The following HDAC9 variants were observed in gnomAD, a reference collection of about 807,000 sequenced individuals.
The protein encoded by HDAC9 is MEF-2 interacting transcription repressor (MITR) protein.
A neutral mutation model predicts 139.4 loss-of-function variants in HDAC9; 41 were observed. The observed-to-expected ratio is 0.29, with a 90% CI of 0.23 to 0.38. The LOEUF is 0.38. Among genes scored for constraint, HDAC9 ranks in the 10% least tolerant of loss-of-function variants. The pLI, the probability that HDAC9 is intolerant of heterozygous loss-of-function variation, is 1.00. For synonymous variants in HDAC9, 517 were observed against 476.2 expected (o/e 1.09, Z -1.12); for missense variants, 1,147 against 1,297.0 (o/e 0.88, Z 1.78).
chr7:18,735,869 T>C (rs1786840464), intron 13 of HDAC9, among the ~76,000 whole-genome samples: 1 of 152,254 alleles, frequency 6.6e-6, no homozygotes, highest in African/African-American at 2.4e-5. Flanking sequence ...ACCATGAGCA[T>C]AGAAAGGTTT....
chr7:18,790,465 T>C (rs1792203758), intron 16 of HDAC9, among the ~76,000 whole-genome samples: 1 of 152,168 alleles, frequency 6.6e-6, no homozygotes, highest in South Asian at 2.1e-4. Flanking sequence ...TCCTCACCAG[T>C]CACCAAATGG....
intron 12 of HDAC9, among the ~76,000 whole-genome samples, chr7:18,670,592 G>C (rs936792981): frequency 2.0e-5 from 3 of 152,040 alleles, no homozygotes; most frequent in Non-Finnish European, 4.4e-5. Flanking sequence ...TCATCCCACT[G>C]TAGAGATGAG....
intron 16 of HDAC9, among the ~76,000 whole-genome samples, chr7:18,782,871 C>A (rs1011460009): frequency 3.3e-5 from 5 of 151,892 alleles, no homozygotes; most frequent in Non-Finnish European, 1.5e-5. Flanking sequence ...TGAACTTGCC[C>A]GTGTTTGAAT....
At chr7:18,828,563 G>A (rs780162404) in intron 17 of HDAC9, among the ~76,000 whole-genome samples, 4 of 152,172 alleles carry the variant, frequency 2.6e-5, no homozygotes, top group Admixed American at 2.0e-4. Context: ...CAATAAAGTT[G>A]CAAGTCTTGG....
chr7:18,287,886 C>T (rs116143618), upstream of HDAC9, among the ~76,000 whole-genome samples: 154 of 152,270 alleles, frequency 1.0e-3, no homozygotes, highest in African/African-American at 3.4e-3. Context: ...GGACTGGACC[C>T]GGAAGTTGTG....
intron 1 of HDAC9, among the ~76,000 whole-genome samples, chr7:18,090,955 A>G (rs1230220194): frequency 6.6e-6 from 1 of 152,200 alleles, no homozygotes; most frequent in Non-Finnish European, 1.5e-5. Flanking sequence ...AATTGCCCAC[A>G]TGATTTGTAA....
intron 1 of HDAC9, among the ~76,000 whole-genome samples, chr7:18,153,374 T>C (rs1188421329): frequency 1.3e-5 from 2 of 151,694 alleles, no homozygotes; most frequent in Non-Finnish European, 2.9e-5. Flanking sequence ...CCTCTAGAGG[T>C]TTCCCATTGG....
At chr7:18,332,740 A>G (rs1035276910) in intron 1 of HDAC9, among the ~76,000 whole-genome samples, 19 of 151,598 alleles carry the variant, frequency 1.3e-4, no homozygotes, top group Admixed American at 7.3e-4. Flanking sequence ...AATTTGGCCT[A>G]TCTTTTTGTG....
At chr7:18,580,367 G>A (rs528365829) in intron 2 of HDAC9, among the ~76,000 whole-genome samples, 3 of 152,180 alleles carry the variant, frequency 2.0e-5, no homozygotes, top group South Asian at 2.1e-4. Context: ...TGTCAAGAAC[G>A]GGCAGGACTT....
intron 1 of HDAC9, among the ~76,000 whole-genome samples, chr7:18,461,557 A>G (rs1448708205): frequency 6.6e-6 from 1 of 152,146 alleles, no homozygotes; most frequent in Non-Finnish European, 1.5e-5. Context: ...CTAATAATAC[A>G]ATTTCTTTTT....
At chr7:18,310,011 G>A (rs1412909) in intron 1 of HDAC9, among the ~76,000 whole-genome samples, 81,566 of 151,954 alleles carry the variant, frequency 0.54, 24,332 homozygotes, top group African/African-American at 0.82. Flanking sequence ...AGGCTTTCTG[G>A]TTCAGACACT....
At chr7:18,500,542 G>T (rs1222788919) in intron 2 of HDAC9, among the ~76,000 whole-genome samples, 4 of 152,174 alleles carry the variant, frequency 2.6e-5, no homozygotes, top group East Asian at 1.9e-4. Flanking sequence ...AAGTTGACCA[G>T]TTCCTGAGGA....
intron 22 of HDAC9, among the ~76,000 whole-genome samples, chr7:18,889,284 T>C (rs1800460942): frequency 6.6e-6 from 1 of 152,166 alleles, no homozygotes; most frequent in Admixed American, 6.5e-5. Context: ...CTCAGGTCAA[T>C]TTTCCTGACC....
intron 22 of HDAC9, among the ~76,000 whole-genome samples, chr7:18,906,604 G>C (rs1393529701): frequency 2.0e-5 from 3 of 152,150 alleles, no homozygotes; most frequent in Non-Finnish European, 4.4e-5. Flanking sequence ...TGATGGTAAA[G>C]AGATTACAGG....
intron 2 of HDAC9, among the ~76,000 whole-genome samples, chr7:18,568,166 A>C (rs1451239797): frequency 6.6e-5 from 10 of 151,798 alleles, no homozygotes; most frequent in African/African-American, 2.4e-4. Context: ...TTCTATTTGT[A>C]GCTTATTGAA....
At position 18,594,647 on chromosome 7, in the gene HDAC9, A is replaced by T. The variant is rs191745270; in HGVS notation, c.664+618A>T. Among the ~76,000 whole-genome samples, 44 of 152,126 alleles carry T rather than the reference A, an allele frequency of 2.9e-4. No homozygotes were observed. The East Asian group carries it at 8.5e-3, about 29-fold the overall frequency. On this transcript the variant is annotated intron_variant, in intron 6 of 25. Transcript: ENST00000686413. ...ATTTAGTAAACAGTTCTGTGGCTCTAAGGATTGTATTTGCTGTTCCATCTT... is the reference window on the plus strand; with the variant it reads ...ATTTAGTAAACAGTTCTGTGGCTCTTAGGATTGTATTTGCTGTTCCATCTT...
At chr7:18,945,014 A>T (rs10281766) in intron 23 of HDAC9, among the ~76,000 whole-genome samples, 2,447 of 152,240 alleles carry the variant, frequency 0.016, 51 homozygotes, top group African/African-American at 0.056. Context: ...TGGACATTTT[A>T]TATGTGTTTC....
chr7:18,984,230 T>TACTC (rs1785145640), intron 25 of HDAC9, among the ~76,000 whole-genome samples: 1 of 152,062 alleles, frequency 6.6e-6, no homozygotes. Flanking sequence ...ACAAATTAGG[T>TACTC]ACTCAAGATC....
intron 21 of HDAC9, among the ~76,000 whole-genome samples, chr7:18,873,916 A>G (rs1399657047): frequency 5.9e-5 from 9 of 152,124 alleles, no homozygotes; most frequent in Admixed American, 2.0e-4. Flanking sequence ...GGACTCACTT[A>G]ACATTGTAGT....
Sources: gnomAD v4.1 joint callset for allele counts (sites outside exome capture counted in the v4.1 genomes callset) on GRCh38, gnomAD v4.1.1 for gene constraint, MANE v1.5 for transcripts, NCBI Gene and HGNC (gene_info 2026-07-23, HGNC 2026-07-21) for gene names.